Variants in DCC observed in about 807,000 individuals in gnomAD.
The protein encoded by DCC is netrin receptor DCC.
DCC carries 58 observed loss-of-function variants against 172.5 expected under a neutral mutation model. The ratio of observed to expected loss-of-function variants is 0.34; its 90% CI spans 0.27 to 0.42. The LOEUF (loss-of-function observed/expected upper bound fraction) is 0.42. DCC is among the 10% of genes least tolerant of loss of function. The probability of loss-of-function intolerance (pLI) is 1.00; values close to 1 mark genes in which losing one functional copy is unlikely to be tolerated. For synonymous variants in DCC, 709 were observed against 644.5 expected (o/e 1.10, Z -1.52); for missense variants, 1,740 against 1,791.0 (o/e 0.97, Z 0.51).
At position 53,535,273 on chromosome 18, in the gene DCC, T is replaced by C. The variant is rs1050539335; in HGVS notation, c.*4620T>C. 3 of 152,194 alleles carry C rather than the reference T, an allele frequency of 2.0e-5. No homozygotes were observed. 9.4% of individuals were successfully genotyped at this position (152,194 alleles called of 1,614,324 possible). On this transcript the variant is annotated 3_prime_UTR_variant, in exon 29 of 29. Coordinates refer to ENST00000442544, the MANE Select transcript of DCC (RefSeq NM_005215.4). ...GATCTGGTTGGGATCTAGATACGGCTGTTAAAGCTGCAGTGTTCCATACCT... is the reference window on the plus strand; with the variant it reads ...GATCTGGTTGGGATCTAGATACGGCCGTTAAAGCTGCAGTGTTCCATACCT...
chr18:53,100,049 C>A lies in DCC; in HGVS notation c.1261+33883C>A, dbSNP rs187295033. Among the ~76,000 whole-genome samples, 831 of 150,548 alleles carry A rather than the reference C, an allele frequency of 5.5e-3. 5 individuals are homozygous for A. The highest frequency in any genetic ancestry group is 9.0e-3 in the Non-Finnish European group (613 of 67,764). On this transcript the variant is annotated intron_variant, in intron 7 of 28. Transcript: ENST00000442544. ...GCAACCTCCACCTCCCAGGTTCCAG[C>A]AATTCTCCTGCATCAGCCTCCCAAG...
At chr18:53,426,148 C>T (rs1031788636) in intron 21 of DCC, among the ~76,000 whole-genome samples, 6 of 150,892 alleles carry the variant, frequency 4.0e-5, no homozygotes, top group Admixed American at 6.7e-5. Context: ...TCCACTCTCC[C>T]TTGTGAGACA....
At chr18:52,945,259 A>T (rs1256677936) in intron 5 of DCC, among the ~76,000 whole-genome samples, 1 of 152,212 alleles carries the variant, frequency 6.6e-6, no homozygotes, top group African/African-American at 2.4e-5. Flanking sequence ...ATTTATATGA[A>T]CAATGCTTAA....
At chr18:52,766,838 T>G (rs1189288889) in intron 2 of DCC, among the ~76,000 whole-genome samples, 3 of 151,878 alleles carry the variant, frequency 2.0e-5, no homozygotes, top group Non-Finnish European at 2.9e-5. Flanking sequence ...AGCTTGAGGG[T>G]GAGATTTTGT....
In DCC at chr18:52,591,457, A is replaced by G. The variant is rs578047649; in HGVS notation, c.92-160597A>G. 5.3e-5 allele frequency among the ~76,000 whole-genome samples: 8 copies of G among 152,262 alleles called. No individual in the cohort carries two copies. In the South Asian group the frequency reaches 1.2e-3, roughly 24 times the overall value. ...GTTGCATGAAAGTCAATTATAACATATATTTCTAAACTTTCCACTTTTAAG... is the reference window on the plus strand; with the variant it reads ...GTTGCATGAAAGTCAATTATAACATGTATTTCTAAACTTTCCACTTTTAAG... On this transcript the variant is annotated intron_variant, in intron 1 of 28. Transcript: ENST00000442544.
intron 24 of DCC, among the ~76,000 whole-genome samples, chr18:53,462,325 G>A (rs191280734): frequency 2.9e-3 from 434 of 152,102 alleles, no homozygotes; most frequent in Non-Finnish European, 4.4e-3. Context: ...TCCCATTACT[G>A]CCTGAGCTCT....
At chr18:52,771,871 GAAAAAA>G (rs55924643) in intron 2 of DCC, among the ~76,000 whole-genome samples, 4 of 130,974 alleles carry the variant, frequency 3.1e-5, no homozygotes, top group East Asian at 2.1e-4. Flanking sequence ...AGAAACTTGT[GAAAAAA>G]AAAAAAAAAG....
At chr18:52,977,920 A>G (rs1326360656) in intron 5 of DCC, among the ~76,000 whole-genome samples, 4 of 151,788 alleles carry the variant, frequency 2.6e-5, no homozygotes, top group Non-Finnish European at 5.9e-5. Flanking sequence ...AAAAGAAAAA[A>G]AAAGCATATC....
intron 1 of DCC, among the ~76,000 whole-genome samples, chr18:52,357,260 A>G (rs1598858378): frequency 6.6e-6 from 1 of 152,314 alleles, no homozygotes; most frequent in South Asian, 2.1e-4. Flanking sequence ...GAAATAGTTG[A>G]TTCTGGAACT....
intron 5 of DCC, among the ~76,000 whole-genome samples, chr18:52,931,534 C>T (rs921678121): frequency 6.6e-6 from 1 of 152,074 alleles, no homozygotes; most frequent in Non-Finnish European, 1.5e-5. Flanking sequence ...ATTTTATAGA[C>T]TAGAAGAAAA....
intron 5 of DCC, among the ~76,000 whole-genome samples, chr18:53,005,749 G>T (rs1356183579): frequency 2.2e-4 from 34 of 152,062 alleles, no homozygotes; most frequent in African/African-American, 8.0e-4. Context: ...AGAAAAGAAA[G>T]AATCTTTACT....
intron 2 of DCC, among the ~76,000 whole-genome samples, chr18:52,760,883 G>T (rs62081909): frequency 6.6e-6 from 1 of 152,022 alleles, no homozygotes; most frequent in Non-Finnish European, 1.5e-5. Context: ...CATCTTAAAC[G>T]TCTACTGTCA....
chr18:52,713,191 G>A (rs979702953), intron 1 of DCC, among the ~76,000 whole-genome samples: 3 of 152,176 alleles, frequency 2.0e-5, no homozygotes, highest in African/African-American at 7.2e-5. Context: ...CGCATAGCAT[G>A]TCTTTCATTT....
chr18:53,331,345 C>T (rs1412419212), intron 14 of DCC, among the ~76,000 whole-genome samples: 3 of 152,196 alleles, frequency 2.0e-5, no homozygotes, highest in African/African-American at 7.2e-5. Context: ...AAGATCTCTG[C>T]CTCCCCATAC....
chr18:52,940,815 G>A (rs539989081), intron 5 of DCC: 1 of 152,246 alleles, frequency 6.6e-6, no homozygotes, highest in African/African-American at 2.4e-5. Context: ...AGTTCAAAAG[G>A]TCAATCAAAT....
At chr18:52,584,747 C>T (rs977354084) in intron 1 of DCC, among the ~76,000 whole-genome samples, 4 of 151,748 alleles carry the variant, frequency 2.6e-5, no homozygotes, top group South Asian at 2.1e-4. Context: ...GCTTTGTTGC[C>T]GAGACTGGTC....
At chr18:53,169,825 T>G (rs2054985652) in intron 8 of DCC, among the ~76,000 whole-genome samples, 1 of 152,178 alleles carries the variant, frequency 6.6e-6, no homozygotes, top group Non-Finnish European at 1.5e-5. Context: ...TGTGCTTATC[T>G]GCCCATTTAC....
chr18:52,805,094 C>T (rs78289102), intron 2 of DCC, among the ~76,000 whole-genome samples: 1 of 152,140 alleles, frequency 6.6e-6, no homozygotes, highest in East Asian at 1.9e-4. Context: ...GGTAGCAATT[C>T]TAGCTGCCTC....
intron 5 of DCC, among the ~76,000 whole-genome samples, chr18:53,008,176 ATC>A (rs2041673736): frequency 6.6e-6 from 1 of 152,232 alleles, no homozygotes; most frequent in East Asian, 1.9e-4. Flanking sequence ...TGTTTTGAAT[ATC>A]TGTTGAAATT....
Sources: gnomAD v4.1 joint callset for allele counts (sites outside exome capture counted in the v4.1 genomes callset) on GRCh38, gnomAD v4.1.1 for gene constraint, MANE v1.5 for transcripts, NCBI Gene and HGNC (gene_info 2026-07-23, HGNC 2026-07-21) for gene names.